The following DBR1 variants were observed in gnomAD, a reference collection of about 807,000 sequenced individuals.
DBR1 encodes the protein lariat debranching enzyme.
Under a neutral mutation model 45.9 loss-of-function variants are expected in DBR1, and 33 were observed. The observed-to-expected ratio is 0.72, with a 90% CI of 0.55 to 0.96. DBR1 has a LOEUF of 0.96. Ranked by LOEUF, DBR1 falls within the 40% of genes least tolerant of loss-of-function variation. The pLI is 0.00. For synonymous variants in DBR1, 235 were observed against 235.9 expected (o/e 1.00, Z 0.04); for missense variants, 619 against 667.4 (o/e 0.93, Z 0.80).
intron 7 of DBR1, 100 bp from the exon 8 acceptor site, chr3:138,162,682 G>A: frequency 9.8e-7 from 1 of 1,022,492 alleles, no homozygotes; most frequent in Non-Finnish European, 1.4e-6. Context: ...TAAAAAATAA[G>A]CCATCTATCA....
intron 2 of DBR1, 111 bp downstream of exon 2, chr3:138,173,387 AAATT>A: frequency 9.5e-7 from 1 of 1,055,446 alleles, no homozygotes. Flanking sequence ...TTAAGTATTT[AAATT>A]AATGACATTC....
chr3:138,167,882 G>T (rs1200205340), intron 4 of DBR1, among the ~76,000 whole-genome samples: 1 of 152,208 alleles, frequency 6.6e-6, no homozygotes, highest in African/African-American at 2.4e-5. Context: ...AGGAGGTGGA[G>T]GTTGCAATAA....
chr3:138,171,852 T>C, intron 2 of DBR1, 139 bp from the exon 3 acceptor site: 1 of 660,400 alleles, frequency 1.5e-6, no homozygotes. Context: ...GTTATGCTTT[T>C]TACATAATAA....
intron 5 of DBR1, among the ~76,000 whole-genome samples, chr3:138,164,599 AATT>A (rs1430653669): frequency 2.0e-5 from 3 of 152,188 alleles, no homozygotes; most frequent in Admixed American, 6.5e-5. Flanking sequence ...CAACTCTGGA[AATT>A]TACTAAAAAT....
rs139004387 is a variant in DBR1, at chr3:138,161,987, G to C, written c.1537C>G (p.Leu513Val). ...TGTTCAGGTTCATGTTCATCACTCAGCCTCTTCAATGGCACCTTGGTTAAG... is the reference window on the plus strand; with the variant it reads ...TGTTCAGGTTCATGTTCATCACTCACCCTCTTCAATGGCACCTTGGTTAAG... ...EDLTKVPLKR[L>V]SDEHEPEQRK... The change falls in exon 8 of 8, where the codon CTG becomes GTG. Residue 513 changes from leucine (L) to valine (V), a missense_variant. Leu to Val is a conservative substitution (Grantham distance 32). This residue lies in a region of DBR1 where 182 missense variants were observed against 196.1 expected (regional missense o/e 0.93). Coordinates refer to ENST00000260803, the MANE Select transcript of DBR1 (RefSeq NM_016216.4). The C allele has an allele frequency of 4.7e-4, 765 of 1,613,930 alleles. 3 individuals carry two copies. The highest frequency in any genetic ancestry group is 4.1e-4 in the Non-Finnish European group (480 of 1,180,024).
chr3:138,171,502 C>CAAAAAAAAAAAAAAAAAAAAAA (rs2042954743), intron 3 of DBR1, 131 bp downstream of exon 3: 1 of 188,998 alleles, frequency 5.3e-6, no homozygotes, highest in African/African-American at 3.1e-5. Flanking sequence ...AAAAAAAAAG[C>CAAAAAAAAAAAAAAAAAAAAAA]AAAATACTAA....
intron 3 of DBR1, 125 bp from the exon 4 acceptor site, chr3:138,170,317 TA>T: frequency 1.7e-6 from 1 of 605,846 alleles, no homozygotes; most frequent in East Asian, 3.1e-5. Flanking sequence ...AAAAGTTATC[TA>T]GGGAAATTTT....
At chr3:138,162,671 A>AT (rs2042913665) in intron 7 of DBR1, 89 bp from the exon 8 acceptor site, 3 of 1,130,930 alleles carry the variant, frequency 2.7e-6, no homozygotes, top group East Asian at 2.4e-5. Flanking sequence ...AGGTGCAAGG[A>AT]TAAAAAATAA....
chr3:138,167,358 A>G, intron 4 of DBR1, 53 bp from the exon 5 acceptor site: 1 of 1,243,642 alleles, frequency 8.0e-7, no homozygotes, highest in Non-Finnish European at 1.1e-6. Flanking sequence ...AGATTAACCA[A>G]AACAATCCCC....
In DBR1 at chr3:138,161,904, A is replaced by G; in HGVS notation, c.1620T>C (p.Asp540=). 2 of 1,602,928 alleles carry G rather than the reference A, an allele frequency of 1.2e-6. No individual in the cohort carries two copies. The highest frequency in any genetic ancestry group is 1.7e-6 in the Non-Finnish European group (2 of 1,170,678). ...GTAAATCATCTTAAGCTGCATCGTC[A>G]TCATCATCATCCACTGCAGCGTAAA... ...QAIYAAVDDD[D]DDAA Residue 540 remains aspartate, a synonymous_variant, in exon 8 of 8, where the codon GAT becomes GAC. Transcript: ENST00000260803.
At chr3:138,168,050 C>T (rs537199025) in intron 4 of DBR1, among the ~76,000 whole-genome samples, 1 of 151,868 alleles carries the variant, frequency 6.6e-6, no homozygotes, top group Non-Finnish European at 1.5e-5. Flanking sequence ...CAAAGATTTA[C>T]CAGGAAAAAA....
intron 4 of DBR1, among the ~76,000 whole-genome samples, chr3:138,167,974 T>A (rs566067945): frequency 6.6e-6 from 1 of 151,784 alleles, no homozygotes; most frequent in South Asian, 2.1e-4. Context: ...AAAAAGAAAT[T>A]ACTGTTTTGA....
At chr3:138,168,737 G>T (rs940045030) in intron 4 of DBR1, among the ~76,000 whole-genome samples, 17 of 151,898 alleles carry the variant, frequency 1.1e-4, no homozygotes, top group African/African-American at 3.6e-4. Context: ...CAGAAGGATC[G>T]CTTGAGTTCA....
At chr3:138,167,400 C>T in intron 4 of DBR1, 95 bp from the exon 5 acceptor site, 1 of 807,026 alleles carries the variant, frequency 1.2e-6, no homozygotes, top group Non-Finnish European at 2.0e-6. Context: ...CAACCATTCA[C>T]CCACTGAGAT....
Position 138,162,314 on chromosome 3 carries a change from T to C in DBR1, c.1210A>G (p.Ser404Gly), listed in dbSNP as rs144975754. Reference sequence around the variant, plus strand: ...CTCTGGTCTTCTCCAGAGTCATTACTCTCCACATCATCCTGTTCTTCATAT... The same window carrying C: ...CTCTGGTCTTCTCCAGAGTCATTACCCTCCACATCATCCTGTTCTTCATAT... ...GEYEEQDDVE[S>G]NDSGEDQSEY... is the part of the protein sequence containing the mutation. Residue 404 changes from serine to glycine, a missense_variant, in exon 8 of 8, where the codon AGT becomes GGT. By Grantham distance (56) the Ser-to-Gly change is moderately conservative (BLOSUM62 0). Transcript: ENST00000260803. 2.5e-6 allele frequency: 4 copies of C among 1,614,220 alleles called. No individual in the cohort carries two copies. Among genetic ancestry groups the C allele is most frequent in the Non-Finnish European group, 3.4e-6 (4 of 1,180,042 alleles).
At position 138,171,678 on chromosome 3, in the gene DBR1, T is replaced by C. The variant is rs1559884261; in HGVS notation, c.358A>G (p.Ile120Val). ...TTAAAGATACCAGAGATTCCACCGATCCTTACACCTCGGTATTTTACCACA... is the reference window on the plus strand; with the variant it reads ...TTAAAGATACCAGAGATTCCACCGACCCTTACACCTCGGTATTTTACCACA... ...AGVVKYRGVRIGGISGIFKSH... is the reference protein window; with the variant it reads ...AGVVKYRGVRVGGISGIFKSH... Residue 120 changes from isoleucine to valine, a missense_variant, in exon 3 of 8, where the codon ATC becomes GTC. By Grantham distance (29) the Ile-to-Val change is conservative (BLOSUM62 3). Around this residue, in one of 3 missense-constraint regions of DBR1, gnomAD observed 430 missense variants for 447.7 expected, o/e 0.96. Coordinates refer to ENST00000260803, the MANE Select transcript of DBR1 (RefSeq NM_016216.4). The C allele has an allele frequency of 1.9e-6, 3 of 1,613,492 alleles. No homozygotes were observed. In the African/African-American group the frequency reaches 4.0e-5, roughly 22 times the overall value.
At chr3:138,173,415 C>G in intron 2 of DBR1, 87 bp downstream of exon 2, 3 of 1,323,564 alleles carry the variant, frequency 2.3e-6, no homozygotes, top group Non-Finnish European at 3.2e-6. Context: ...AAACACCATA[C>G]ATGTCAAGAC....
chr3:138,170,953 C>G (rs1007795330), intron 3 of DBR1, among the ~76,000 whole-genome samples: 2 of 152,176 alleles, frequency 1.3e-5, no homozygotes, highest in East Asian at 3.9e-4. Flanking sequence ...ACAAGCAATA[C>G]GATACATTTA....
At chr3:138,168,423 G>A (rs1051187222) in intron 4 of DBR1, among the ~76,000 whole-genome samples, 1 of 151,822 alleles carries the variant, frequency 6.6e-6, no homozygotes, top group Non-Finnish European at 1.5e-5. Context: ...AGGAGGCTGA[G>A]GCAGGAGAAT....
Sources: gnomAD v4.1 joint callset for allele counts (sites outside exome capture counted in the v4.1 genomes callset) on GRCh38, gnomAD v4.1.1 for gene constraint, gnomAD v4.1.1 regional missense constraint, MANE v1.5 for transcripts, NCBI Gene and HGNC (gene_info 2026-07-23, HGNC 2026-07-21) for gene names.